The following TRIM2 variants were observed in gnomAD, a reference collection of about 807,000 sequenced individuals.
TRIM2 encodes tripartite motif containing 2, also known as tripartite motif-containing protein 2.
Under a neutral mutation model 75.2 loss-of-function variants are expected in TRIM2, and 20 were observed. The ratio of observed to expected loss-of-function variants is 0.27; its 90% confidence interval spans 0.19 to 0.39. The LOEUF is 0.39. TRIM2 is among the 10% of genes least tolerant of loss of function. TRIM2 has a pLI of 1.00. For missense variants in TRIM2, 660 were observed against 990.8 expected (o/e 0.67, Z 4.48); for synonymous variants, 373 against 388.3 (o/e 0.96, Z 0.46).
At chr4:153,235,214 T>A (rs888095797) in intron 1 of TRIM2, among the ~76,000 whole-genome samples, 14 of 152,204 alleles carry the variant, frequency 9.2e-5, no homozygotes. Flanking sequence ...AGAAGCAAAT[T>A]TCTGAAGCAC....
chr4:153,198,362 A>G (rs553428269), intron 1 of TRIM2, among the ~76,000 whole-genome samples: 2 of 152,288 alleles, frequency 1.3e-5, no homozygotes, highest in African/African-American at 4.8e-5. Flanking sequence ...ATGATAGTGA[A>G]TAAGTCTCAT....
intron 1 of TRIM2, among the ~76,000 whole-genome samples, chr4:153,170,130 GAGA>G (rs35151458): frequency 0.12 from 18,503 of 152,166 alleles, 1,477 homozygotes; most frequent in Non-Finnish European, 0.18. Context: ...GAAGAAGAAG[GAGA>G]AGGAGGAGGA....
intron 6 of TRIM2, among the ~76,000 whole-genome samples, chr4:153,309,250 G>GA (rs1765703546): frequency 2.6e-5 from 4 of 152,102 alleles, no homozygotes; most frequent in East Asian, 1.9e-4. Flanking sequence ...GTGTATTGGG[G>GA]AAAAAAGTGT....
intron 3 of TRIM2, among the ~76,000 whole-genome samples, chr4:153,284,641 A>C (rs1252519129): frequency 6.6e-6 from 1 of 152,206 alleles, no homozygotes; most frequent in Admixed American, 6.5e-5. Context: ...GATTCTAGTG[A>C]GTATGCAGTG....
rs140632258 is a variant in TRIM2, at chr4:153,161,208, A to G, written c.-49+7938A>G. On this transcript the variant is annotated intron_variant, in intron 1 of 11. Transcript: ENST00000437508. ...AAATTTTGAGATGGAGACTGTATTTATACAGAAACACTTTGCAAGCAAATG... is the reference window on the plus strand; with the variant it reads ...AAATTTTGAGATGGAGACTGTATTTGTACAGAAACACTTTGCAAGCAAATG... Among the ~76,000 whole-genome samples, 497 of 152,348 alleles carry G rather than the reference A, an allele frequency of 3.3e-3. 4 individuals are homozygous for G. The highest frequency in any genetic ancestry group is 0.011 in the African/African-American group (475 of 41,574).
intron 1 of TRIM2, chr4:153,222,326 C>G (rs956407313): frequency 6.6e-6 from 1 of 152,096 alleles, no homozygotes; most frequent in African/African-American, 2.4e-5. Context: ...GAACTCACTT[C>G]CCCTGAAAGG....
Position 153,295,190 on chromosome 4 carries a change from C to A in TRIM2, c.787-123C>A. 1 of 1,339,742 alleles carries A rather than the reference C, an allele frequency of 7.5e-7. No individual in the cohort carries two copies. Among genetic ancestry groups the A allele is most frequent in the Non-Finnish European group, 9.9e-7 (1 of 1,010,962 alleles). 83.0% of individuals were successfully genotyped at this position (1,339,742 alleles called of 1,614,324 possible). A position where few individuals can be genotyped will look rare whatever the true frequency, so the allele number is the denominator to read the frequency against. ...ACTGGGTTCCCTGGGTTGACAAACA[C>A]CGCTTGCTCAGAGCCACCTGCGTGG... On this transcript the variant is annotated intron_variant, in intron 5 of 11. Coordinates refer to ENST00000338700, the MANE Select transcript of TRIM2 (RefSeq NM_015271.5). The surrounding 1 kb of genome is among the most constrained non-coding windows in gnomAD (Gnocchi z 7.2).
At chr4:153,176,307 G>T (rs900547224) in intron 1 of TRIM2, among the ~76,000 whole-genome samples, 1 of 151,996 alleles carries the variant, frequency 6.6e-6, no homozygotes, top group Non-Finnish European at 1.5e-5. Flanking sequence ...TAAAAAATTA[G>T]CCAAGTGCAG....
At chr4:153,228,735 C>T (rs1480758228) in intron 1 of TRIM2, among the ~76,000 whole-genome samples, 1 of 152,240 alleles carries the variant, frequency 6.6e-6, no homozygotes, top group African/African-American at 2.4e-5. Flanking sequence ...TCTTTTGCCC[C>T]AGGTCACGCG....
rs1301147516 is a variant in TRIM2, at chr4:153,273,270, C to G, written c.216-2623C>G. The stretch of plus-strand genomic sequence containing the variant: ...ACTCAGTGAGCACCTTACAGTCACT[C>G]TTTTTTTTTTTTTTTTTTTTTTTGA... On this transcript the variant is annotated intron_variant, in intron 2 of 11. Coordinates refer to ENST00000338700, the MANE Select transcript of TRIM2 (RefSeq NM_015271.5). Among the ~76,000 whole-genome samples, 69 of 57,390 alleles carry G rather than the reference C, an allele frequency of 1.2e-3. 1 individual carries two copies. The highest frequency in any genetic ancestry group is 3.9e-3 in the South Asian group (4 of 1,024). 37.7% of individuals were successfully genotyped at this position (57,390 alleles called of 152,430 possible). A position where few individuals can be genotyped will look rare whatever the true frequency, so the allele number is the denominator to read the frequency against.
At chr4:153,327,626 T>A (rs762342794) in intron 10 of TRIM2, among the ~76,000 whole-genome samples, 6 of 152,256 alleles carry the variant, frequency 3.9e-5, no homozygotes, top group Non-Finnish European at 8.8e-5. Flanking sequence ...GATACAATTA[T>A]GCTTACTATA....
chr4:153,249,013 G>A (rs1171610922), intron 1 of TRIM2, among the ~76,000 whole-genome samples: 1 of 152,234 alleles, frequency 6.6e-6, no homozygotes, highest in African/African-American at 2.4e-5. Flanking sequence ...GGCCACAGTC[G>A]GGAGAACTCC....
rs376319447 is a variant in TRIM2 at position 153,296,026 on chromosome 4, C to A, written c.1500C>A (p.Ile500=). The A allele has an allele frequency of 6.6e-7, 1 of 1,522,844 alleles. No individual in the cohort carries two copies. The highest frequency in any genetic ancestry group is 2.3e-5 in the East Asian group (1 of 44,166). 94.3% of individuals were successfully genotyped at this position (1,522,844 alleles called of 1,614,324 possible). The change falls in exon 6 of 12, where the codon ATC becomes ATA. Residue 500 remains isoleucine, a synonymous_variant. Transcript: ENST00000338700. ...AGAATCCCATCGAAGACGATTTGAT[C>A]TTTCGAGTGGGTAAGGAGAGGGCTT... The part of the protein sequence containing the change: ...RKENPIEDDL[I]FRVGTKGRNK...
intron 2 of TRIM2, among the ~76,000 whole-genome samples, chr4:153,271,768 G>A (rs761958972): frequency 6.6e-6 from 1 of 152,120 alleles, no homozygotes. Flanking sequence ...AATAGTCCAT[G>A]TGTCCCTGGG....
At chr4:153,313,914 G>A (rs1766943131) in intron 6 of TRIM2, among the ~76,000 whole-genome samples, 1 of 152,056 alleles carries the variant, frequency 6.6e-6, no homozygotes, top group African/African-American at 2.4e-5. Flanking sequence ...TGGGATTACA[G>A]GCATGAGCCA....
Position 153,336,524 on chromosome 4 carries a change from C to A in TRIM2, c.*1558C>A. 1.0e-6 allele frequency: 1 copy of A among 985,744 alleles called. No individual in the cohort carries two copies. Among genetic ancestry groups the A allele is most frequent in the Non-Finnish European group, 1.2e-6 (1 of 829,918 alleles). 61.1% of individuals were successfully genotyped at this position (985,744 alleles called of 1,614,324 possible). On this transcript the variant is annotated 3_prime_UTR_variant, in exon 12 of 12. Coordinates refer to ENST00000338700, the MANE Select transcript of TRIM2 (RefSeq NM_015271.5). ...CTGTAAAATAAGCTGTGGTCTATTT[C>A]CACTGTTTAATTTTCTACTCAGTTC...
intron 1 of TRIM2, among the ~76,000 whole-genome samples, chr4:153,191,971 C>A (rs957480447): frequency 6.6e-6 from 1 of 152,188 alleles, no homozygotes; most frequent in Non-Finnish European, 1.5e-5. Context: ...CCTAGCATGT[C>A]CCCTCTGGGT....
chr4:153,278,293 CTGTAGAGACAGGGTCTCACTATGT>C (rs1180007895), intron 3 of TRIM2, among the ~76,000 whole-genome samples: 1 of 152,052 alleles, frequency 6.6e-6, no homozygotes, highest in Non-Finnish European at 1.5e-5. Flanking sequence ...TTTGTATTTT[CTGTAGAGACAGGGTCTCACTATGT>C]TGCCAAGACT....
intron 1 of TRIM2, among the ~76,000 whole-genome samples, chr4:153,233,325 G>C (rs930687413): frequency 3.3e-5 from 5 of 152,200 alleles, no homozygotes; most frequent in African/African-American, 1.2e-4. Flanking sequence ...AAGGAAGTCA[G>C]ATGATAATTA....
Sources: allele counts gnomAD v4.1 joint callset (sites outside exome capture counted in the v4.1 genomes callset), GRCh38; gene constraint gnomAD v4.1.1; non-coding constraint Gnocchi (gnomAD v3.1); transcripts MANE v1.5; gene names NCBI Gene and HGNC (gene_info 2026-07-23, HGNC 2026-07-21).